The following GPC6 variants were observed in gnomAD, a reference collection of about 807,000 sequenced individuals.
GPC6 encodes the protein glypican-6.
Under a neutral mutation model 55.2 loss-of-function variants are expected in GPC6, and 14 were observed. The ratio of observed to expected loss-of-function variants is 0.25; its 90% CI spans 0.17 to 0.40. The LOEUF is 0.40. GPC6 is among the 10% of genes least tolerant of loss of function. The probability of loss-of-function intolerance (pLI) is 1.00; values close to 1 mark genes in which losing one functional copy is unlikely to be tolerated. For missense variants in GPC6, 641 were observed against 708.5 expected (o/e 0.90, Z 1.08); for synonymous variants, 278 against 259.6 (o/e 1.07, Z -0.68).
At chr13:93,686,906 T>C (rs1012003469) in intron 2 of GPC6, among the ~76,000 whole-genome samples, 1 of 152,090 alleles carries the variant, frequency 6.6e-6, no homozygotes, top group Admixed American at 6.6e-5. Flanking sequence ...CTCTAATATA[T>C]TGAGCTGAAC....
intron 4 of GPC6, among the ~76,000 whole-genome samples, chr13:94,126,961 AT>A (rs1377053887): frequency 6.6e-6 from 1 of 152,130 alleles, no homozygotes; most frequent in East Asian, 1.9e-4. Flanking sequence ...AATCTCTAAT[AT>A]TTTATTCACT....
chr13:94,293,636 C>A (rs1015665454), intron 5 of GPC6, among the ~76,000 whole-genome samples: 2 of 152,204 alleles, frequency 1.3e-5, no homozygotes, highest in South Asian at 4.1e-4. Flanking sequence ...TTCTAGATGC[C>A]TTATGTATTT....
At chr13:93,768,456 T>C (rs1432218347) in intron 2 of GPC6, among the ~76,000 whole-genome samples, 1 of 152,182 alleles carries the variant, frequency 6.6e-6, no homozygotes, top group African/African-American at 2.4e-5. Context: ...GACTGCATTT[T>C]TATTCACCAC....
chr13:93,384,289 G>T (rs761419504), intron 1 of GPC6, among the ~76,000 whole-genome samples: 1 of 151,934 alleles, frequency 6.6e-6, no homozygotes, highest in Non-Finnish European at 1.5e-5. Flanking sequence ...GAGATGAGTG[G>T]CCTATGTGAA....
At chr13:93,831,329 T>G (rs1025207935) in intron 3 of GPC6, among the ~76,000 whole-genome samples, 1 of 152,180 alleles carries the variant, frequency 6.6e-6, no homozygotes, top group African/African-American at 2.4e-5. Context: ...GTTTAAGTTC[T>G]TTCTTGACAT....
At chr13:93,813,708 A>G (rs893106635) in intron 2 of GPC6, among the ~76,000 whole-genome samples, 2 of 151,916 alleles carry the variant, frequency 1.3e-5, no homozygotes, top group African/African-American at 2.4e-5. Flanking sequence ...AGGATTTTTC[A>G]GATGTTAAAT....
At chr13:94,219,984 A>G (rs1482822515) in intron 4 of GPC6, among the ~76,000 whole-genome samples, 2 of 152,074 alleles carry the variant, frequency 1.3e-5, no homozygotes, top group African/African-American at 4.8e-5. Flanking sequence ...TCCATTGCGC[A>G]TGCCTGAACC....
At chr13:94,099,816 A>T (rs1056623591) in intron 4 of GPC6, among the ~76,000 whole-genome samples, 1 of 152,190 alleles carries the variant, frequency 6.6e-6, no homozygotes, top group African/African-American at 2.4e-5. Flanking sequence ...CTTGTATATT[A>T]TGTTTAATGT....
At chr13:93,244,262 G>A (rs1876528866) in intron 1 of GPC6, among the ~76,000 whole-genome samples, 2 of 152,190 alleles carry the variant, frequency 1.3e-5, no homozygotes, top group South Asian at 4.1e-4. Context: ...ACTTCTGCTG[G>A]CAGAAAGCTG....
intron 2 of GPC6, among the ~76,000 whole-genome samples, chr13:93,667,838 G>C (rs1881208366): frequency 1.3e-5 from 2 of 149,882 alleles, no homozygotes; most frequent in Non-Finnish European, 1.5e-5. Context: ...AGCTTAGCCT[G>C]GTATCAGAGA....
intron 3 of GPC6, among the ~76,000 whole-genome samples, chr13:93,908,033 G>C (rs566889285): frequency 6.6e-6 from 1 of 152,038 alleles, no homozygotes; most frequent in Non-Finnish European, 1.5e-5. Context: ...TAAAATCTTT[G>C]ATGGGAGACA....
intron 3 of GPC6, among the ~76,000 whole-genome samples, chr13:93,979,256 A>T (rs2140402663): frequency 6.7e-6 from 1 of 150,138 alleles, no homozygotes; most frequent in East Asian, 2.0e-4. Context: ...TGGCCTCCAT[A>T]TTGGACAGCA....
intron 2 of GPC6, among the ~76,000 whole-genome samples, chr13:93,639,723 C>A (rs1425730721): frequency 6.6e-6 from 1 of 152,102 alleles, no homozygotes; most frequent in African/African-American, 2.4e-5. Flanking sequence ...TTGTAGATGG[C>A]AAAGCCAAAA....
Position 93,541,835 on chromosome 13 carries a change from G to C in GPC6, c.161-3428G>C, listed in dbSNP as rs866460597. On this transcript the variant is annotated intron_variant, in intron 1 of 8. Coordinates refer to ENST00000377047, the MANE Select transcript of GPC6 (RefSeq NM_005708.5). Reference sequence around the variant, plus strand: ...CTGCATAAATGTCTTCTTTTGAGAAGTGTCTGTTCATGTCCTTTGCCCACT... The same window carrying C: ...CTGCATAAATGTCTTCTTTTGAGAACTGTCTGTTCATGTCCTTTGCCCACT... Among the ~76,000 whole-genome samples the C allele has an allele frequency of 2.5e-3, 383 of 150,918 alleles. 1 individual carries two copies. Among genetic ancestry groups the C allele is most frequent in the African/African-American group, 9.0e-3 (370 of 41,032 alleles).
chr13:93,806,523 A>G (rs1886547598), intron 2 of GPC6, among the ~76,000 whole-genome samples: 1 of 152,092 alleles, frequency 6.6e-6, no homozygotes, highest in Non-Finnish European at 1.5e-5. Context: ...TATTTTTAGT[A>G]GAGATGGGGT....
intron 3 of GPC6, among the ~76,000 whole-genome samples, chr13:93,937,812 C>T (rs2140360011): frequency 6.6e-6 from 1 of 152,256 alleles, no homozygotes; most frequent in East Asian, 1.9e-4. Context: ...CTCCTGACCC[C>T]AAGTGATCCT....
chr13:93,808,124 C>G lies in GPC6; in HGVS notation c.320-22030C>G, dbSNP rs1231263729. ...AAATAATTTCTTGGTTATAAAACCT[C>G]AGTTCTAAATGTTAACATTTTATTC... On this transcript the variant is annotated intron_variant, in intron 2 of 8. Coordinates refer to ENST00000377047, the MANE Select transcript of GPC6 (RefSeq NM_005708.5). 3.3e-5 allele frequency among the ~76,000 whole-genome samples: 5 copies of G among 152,096 alleles called. No homozygotes were observed. In the East Asian group the frequency reaches 9.6e-4, roughly 29 times the overall value.
chr13:93,228,701 C>T (rs936115995), intron 1 of GPC6, among the ~76,000 whole-genome samples: 4 of 152,150 alleles, frequency 2.6e-5, no homozygotes, highest in African/African-American at 4.8e-5. Flanking sequence ...TGCGAGGGCG[C>T]GGGCTGCTCA....
At chr13:93,511,229 T>C (rs558102499) in intron 1 of GPC6, among the ~76,000 whole-genome samples, 1 of 151,322 alleles carries the variant, frequency 6.6e-6, no homozygotes, top group African/African-American at 2.4e-5. Flanking sequence ...TTTTATTGTC[T>C]GATCTTTTAA....
Sources: allele counts gnomAD v4.1 joint callset (sites outside exome capture counted in the v4.1 genomes callset), GRCh38; gene constraint gnomAD v4.1.1; transcripts MANE v1.5; gene names NCBI Gene and HGNC (gene_info 2026-07-23, HGNC 2026-07-21).